The following ATM variants were observed in gnomAD, a reference collection of about 807,000 sequenced individuals.
ATM encodes serine-protein kinase ATM.
In ATM, 308 loss-of-function variants were observed where a neutral mutation model predicts 387.0. That is an observed-to-expected ratio of 0.80 (90% CI 0.73 to 0.87). The LOEUF (loss-of-function observed/expected upper bound fraction) is 0.87, where lower values mean the gene tolerates loss of function less well. ATM is among the 40% of genes least tolerant of loss of function. ATM has a pLI of 0.00. For missense variants in ATM, 3,312 were observed against 3,560.9 expected, an observed-to-expected ratio of 0.93 and a Z score of 1.78; for synonymous variants, 1,156 against 1,187.3, an observed-to-expected ratio of 0.97 and a Z score of 0.54.
At chr11:108,252,681 A>G (rs1203962511) in intron 11 of ATM, 136 bp from the exon 12 acceptor site, 2 of 661,828 alleles carry the variant, frequency 3.0e-6, no homozygotes, top group Non-Finnish European at 5.3e-6. Context: ...GAAATTTAGT[A>G]TAGATGAAAG....
rs748469311 is a variant in ATM at position 108,250,768 on chromosome 11, T to C, written c.1303T>C (p.Leu435=). Residue 435 remains leucine, a synonymous_variant, in exon 10 of 63, where the codon TTA becomes CTA. Coordinates refer to ENST00000675843, the MANE Select transcript of ATM (RefSeq NM_000051.4). ...TTTACCTAACTGTGAGCTGTCTCCA[T>C]TACTGATGATACTATCTCAGCTTCT... The part of the protein sequence containing the change: ...ASLPNCELSP[L]LMILSQLLPQ... The C allele has an allele frequency of 2.2e-5, 36 of 1,613,500 alleles. No individual in the cohort carries two copies. Among genetic ancestry groups the C allele is most frequent in the Middle Eastern group, 3.3e-4 (2 of 6,084 alleles).
At chr11:108,282,981 C>T (rs56323273) in intron 25 of ATM, 102 bp downstream of exon 25, 3 of 740,742 alleles carry the variant, frequency 4.0e-6, no homozygotes, top group Admixed American at 5.5e-5. Context: ...TACCCATACA[C>T]ATGTGTGTGT....
intron 33 of ATM, among the ~76,000 whole-genome samples, chr11:108,298,743 AAAACT>A (rs1405067837): frequency 1.1e-4 from 17 of 152,234 alleles, no homozygotes; most frequent in Non-Finnish European, 2.1e-4. Context: ...GAAAGGAAGT[AAAACT>A]ATCTGTATTT....
chr11:108,330,114 A>C (rs2086096981), intron 49 of ATM, 100 bp from the exon 50 acceptor site: 347 of 1,391,868 alleles, frequency 2.5e-4, no homozygotes, highest in Non-Finnish European at 3.2e-4. Context: ...CCTGGGATAA[A>C]AACCCAACTT....
At chr11:108,282,252 C>T (rs983081373) in intron 24 of ATM, among the ~76,000 whole-genome samples, 2 of 151,788 alleles carry the variant, frequency 1.3e-5, no homozygotes, top group East Asian at 1.9e-4. Context: ...CTCAGCCTCC[C>T]GAGTAGCTGG....
At chr11:108,357,415 G>T (rs227050) in intron 61 of ATM, among the ~76,000 whole-genome samples, 79,339 of 151,720 alleles carry the variant, frequency 0.52, 21,592 homozygotes, top group Middle Eastern at 0.73. Context: ...CAAAGCAGCC[G>T]GGAAGCTCGA....
intron 61 of ATM, 40 bp downstream of exon 61, chr11:108,354,914 C>A (rs1191829305): frequency 1.3e-6 from 2 of 1,524,628 alleles, no homozygotes; most frequent in Admixed American, 3.3e-5. Context: ...TTTTTTCTTA[C>A]CAGGTAGACT....
At chr11:108,308,822 T>G in intron 38 of ATM, 1 of 555,506 alleles carries the variant, frequency 1.8e-6, no homozygotes, top group Non-Finnish European at 3.2e-6. Flanking sequence ...TTTTATGCTT[T>G]TCAGTGTCTT....
Position 108,362,811 on chromosome 11 carries a change from C to A in ATM, c.8851-2271C>A, listed in dbSNP as rs190131. Among the ~76,000 whole-genome samples the A allele has an allele frequency of 1.9e-3, 188 of 98,862 alleles. 1 individual carries two copies. Among genetic ancestry groups the A allele is most frequent in the African/African-American group, 6.9e-3 (164 of 23,798 alleles). The allele number at this position is 98,862 out of a possible 152,430, so 64.9% of individuals were successfully genotyped here. ...CTGGGGACTGTGGTGGGGTGGGGGGCGGGGGGAGGGATAGCATTGGGAGAT... is the reference window on the plus strand; with the variant it reads ...CTGGGGACTGTGGTGGGGTGGGGGGAGGGGGGAGGGATAGCATTGGGAGAT... On this transcript the variant is annotated intron_variant, in intron 61 of 62. Transcript: ENST00000675843.
chr11:108,279,107 G>A (rs1167659015), intron 22 of ATM, among the ~76,000 whole-genome samples: 1 of 152,132 alleles, frequency 6.6e-6, no homozygotes, highest in Non-Finnish European at 1.5e-5. Context: ...TAACTTACCC[G>A]CTTTCAGAGT....
intron 25 of ATM, 61 bp downstream of exon 25, chr11:108,282,940 G>A: frequency 8.8e-7 from 1 of 1,139,604 alleles, no homozygotes; most frequent in Non-Finnish European, 1.3e-6. Flanking sequence ...ACAATACTTA[G>A]CAAGTCCCCT....
Position 108,325,450 on chromosome 11 carries a change from A to C in ATM, c.6713A>C (p.Glu2238Ala), listed in dbSNP as rs1591129372. 1.2e-6 allele frequency: 2 copies of C among 1,613,842 alleles called. No homozygotes were observed. The highest frequency in any genetic ancestry group is 2.7e-5 in the African/African-American group (2 of 75,022). Residue 2238 changes from glutamate to alanine, a missense_variant, in exon 46 of 63, where the codon GAA becomes GCA. Glu to Ala is a moderately radical substitution (Grantham distance 107). This residue lies in a region of ATM where 1,405 missense variants were observed against 1,604.4 expected (regional missense o/e 0.88). Transcript: ENST00000675843. Reference protein sequence around the residue: ...TVILEILMEKEMDNSQRECIK... With the variant: ...TVILEILMEKAMDNSQRECIK... ...ATTTTGGAGATCCTGATGGAAAAGGAAATGGACAACTCACAAAGAGAATGT... is the reference window on the plus strand; with the variant it reads ...ATTTTGGAGATCCTGATGGAAAAGGCAATGGACAACTCACAAAGAGAATGT...
chr11:108,324,444 T>A (rs921122638), intron 45 of ATM, among the ~76,000 whole-genome samples: 5 of 152,146 alleles, frequency 3.3e-5, no homozygotes, highest in Non-Finnish European at 7.4e-5. Context: ...TAATATGATA[T>A]CATATCTAAT....
intron 48 of ATM, among the ~76,000 whole-genome samples, chr11:108,328,780 A>G (rs1200568957): frequency 6.6e-6 from 1 of 152,206 alleles, no homozygotes; most frequent in African/African-American, 2.4e-5. Flanking sequence ...AAAAATCACA[A>G]AAGAAATCTC....
intron 39 of ATM, among the ~76,000 whole-genome samples, chr11:108,310,854 A>G (rs1326317255): frequency 2.0e-5 from 3 of 152,332 alleles, no homozygotes; most frequent in Non-Finnish European, 4.4e-5. Flanking sequence ...CTGAGTTAGA[A>G]CTGTCATAAG....
chr11:108,314,796 T>C (rs372967661), intron 40 of ATM, among the ~76,000 whole-genome samples: 4 of 152,174 alleles, frequency 2.6e-5, no homozygotes, highest in African/African-American at 9.7e-5. Flanking sequence ...ATAAAGTAGC[T>C]TGAGAAAAGA....
At chr11:108,256,498 T>A (rs1418116967) in intron 14 of ATM, among the ~76,000 whole-genome samples, 158 bp downstream of exon 14, 2 of 152,238 alleles carry the variant, frequency 1.3e-5, no homozygotes, top group Non-Finnish European at 1.5e-5. Flanking sequence ...ATGTATTTTT[T>A]AAATTGTTTT....
Position 108,326,226 on chromosome 11 carries a change from GT to G in ATM, c.6975+4del, listed in dbSNP as rs1429066746. ...GAAGTTGGATGCCAGCTGTGCAGCG[GT>G]TTGTTTTTTTTATTGGCTGGATTAG... On this transcript the variant is annotated splice_donor_variant, in intron 47 of 62. Transcript: ENST00000675843. LOFTEE classifies it high-confidence loss of function. The G allele has an allele frequency of 6.2e-7, 1 of 1,613,856 alleles. No homozygotes were observed. The highest frequency in any genetic ancestry group is 1.3e-5 in the African/African-American group (1 of 74,878).
At chr11:108,334,819 C>T (rs2086653525) in intron 54 of ATM, 150 bp from the exon 55 acceptor site, 1 of 875,850 alleles carries the variant, frequency 1.1e-6, no homozygotes, top group African/African-American at 1.7e-5. Context: ...CGTGAGCCAC[C>T]ACACCCGGCC....
Sources: allele counts gnomAD v4.1 joint callset (sites outside exome capture counted in the v4.1 genomes callset), GRCh38; gene constraint gnomAD v4.1.1; regional missense constraint gnomAD v4.1.1; transcripts MANE v1.5; gene names NCBI Gene and HGNC (gene_info 2026-07-23, HGNC 2026-07-21).